Variants in SMG6 observed in about 807,000 individuals in gnomAD.
SMG6 encodes the protein telomerase-binding protein EST1A.
A neutral mutation model predicts 142.2 loss-of-function variants in SMG6; 66 were observed. The ratio of observed to expected loss-of-function variants is 0.46; its 90% CI spans 0.38 to 0.57. SMG6 has a LOEUF of 0.57. Among genes scored for constraint, SMG6 ranks in the 20% least tolerant of loss-of-function variants. The pLI is 0.00. For synonymous variants in SMG6, 779 were observed against 702.4 expected (o/e 1.11, Z -1.72); for missense variants, 1,793 against 1,832.0 (o/e 0.98, Z 0.39).
At chr17:2,244,885 C>A (rs768101251) in intron 8 of SMG6, 166 bp from the exon 9 acceptor site, 53 of 609,150 alleles carry the variant, frequency 8.7e-5, no homozygotes, top group Non-Finnish European at 1.4e-4. Flanking sequence ...AGGGCACATG[C>A]CCAACAGCTG....
At chr17:2,089,850 C>T (rs1597368521) in intron 13 of SMG6, 1 of 152,156 alleles carries the variant, frequency 6.6e-6, no homozygotes, top group South Asian at 2.1e-4. Flanking sequence ...GGTTACTGTT[C>T]TGGGGTATTT....
intron 8 of SMG6, among the ~76,000 whole-genome samples, chr17:2,254,746 A>T (rs1157270437): frequency 1.3e-5 from 2 of 152,162 alleles, no homozygotes; most frequent in African/African-American, 2.4e-5. Context: ...TACTGGGCAC[A>T]TTTTATGTAC....
chr17:2,066,975 G>A lies in SMG6; in HGVS notation c.3836-1296C>T, dbSNP rs8068234. On this transcript the variant is annotated intron_variant, in intron 16 of 18. Transcript: ENST00000263073. Reference sequence around the variant, plus strand: ...CCAGAAACAAGAAGGGAAAGCTGGCGGCTTAACCCTTTGCTGCTCTGGGCA... The same window carrying A: ...CCAGAAACAAGAAGGGAAAGCTGGCAGCTTAACCCTTTGCTGCTCTGGGCA... Among the ~76,000 whole-genome samples the A allele has an allele frequency of 9.1e-3, 1,387 of 152,276 alleles. 16 individuals are homozygous for A. Among genetic ancestry groups the A allele is most frequent in the Non-Finnish European group, 0.015 (991 of 68,012 alleles).
chr17:2,187,803 G>T (rs189911169), intron 11 of SMG6, among the ~76,000 whole-genome samples: 3 of 151,822 alleles, frequency 2.0e-5, no homozygotes, highest in African/African-American at 7.2e-5. Context: ...GCGGCATGGG[G>T]TGACAGTGGG....
At chr17:2,236,843 T>C in intron 9 of SMG6, 1 of 1,288,724 alleles carries the variant, frequency 7.8e-7, no homozygotes, top group Non-Finnish European at 9.8e-7. Flanking sequence ...TAAAGGAGTT[T>C]TCAGGGTCCA....
At chr17:2,099,100 T>C (rs984961456) in intron 13 of SMG6, among the ~76,000 whole-genome samples, 1 of 152,208 alleles carries the variant, frequency 6.6e-6, no homozygotes, top group Non-Finnish European at 1.5e-5. Context: ...ACATGCACTA[T>C]GGATACCTGA....
At chr17:2,245,645 A>G (rs181068724) in intron 8 of SMG6, among the ~76,000 whole-genome samples, 5 of 152,230 alleles carry the variant, frequency 3.3e-5, no homozygotes, top group Admixed American at 3.3e-4. Flanking sequence ...TTGGCCTCCC[A>G]AAGTGCTGGG....
chr17:2,236,739 A>G (rs1244315169), intron 9 of SMG6, 102 bp from the exon 10 acceptor site: 2 of 1,055,350 alleles, frequency 1.9e-6, no homozygotes, highest in African/African-American at 3.1e-5. Flanking sequence ...ACACACACAC[A>G]CACACACACA....
At position 2,085,579 on chromosome 17, in the gene SMG6, G is replaced by C; in HGVS notation, c.3534+146C>G. 1 of 805,380 alleles carries C rather than the reference G, an allele frequency of 1.2e-6. No individual in the cohort carries two copies. Among genetic ancestry groups the C allele is most frequent in the Non-Finnish European group, 2.0e-6 (1 of 503,798 alleles). 49.9% of individuals were successfully genotyped at this position (805,380 alleles called of 1,614,324 possible). On this transcript the variant is annotated intron_variant, in intron 14 of 18. Coordinates refer to ENST00000263073, the MANE Select transcript of SMG6 (RefSeq NM_017575.5). The surrounding 1 kb of genome is among the most constrained non-coding windows in gnomAD (Gnocchi z 4.1). ...GGACTGGCAGGAAGGGGCACCATCA[G>C]AGCACACTCTCGAGAAGCTGGCTGG...
chr17:2,146,044 CAAAG>C (rs1242152211), intron 13 of SMG6, among the ~76,000 whole-genome samples: 3 of 151,634 alleles, frequency 2.0e-5, no homozygotes, highest in African/African-American at 7.3e-5. Context: ...TTTGTTGAAA[CAAAG>C]AAACAACAGG....
chr17:2,168,751 G>A (rs2151642421), intron 13 of SMG6, among the ~76,000 whole-genome samples: 1 of 151,800 alleles, frequency 6.6e-6, no homozygotes, highest in East Asian at 2.0e-4. Flanking sequence ...GTTTTGTGTT[G>A]TTTTGTTTTG....
intron 13 of SMG6, among the ~76,000 whole-genome samples, chr17:2,166,073 G>C (rs1005686769): frequency 6.6e-6 from 1 of 152,102 alleles, no homozygotes; most frequent in South Asian, 2.1e-4. Context: ...TTAACTGGGC[G>C]TGGTGGCAGG....
rs71150850 is a variant in SMG6, at chr17:2,121,587, C to CTGTGTGTGTGTGTGTG, written c.3358-35702_3358-35687dup. On this transcript the variant is annotated intron_variant, in intron 13 of 18. Transcript: ENST00000263073. The stretch of plus-strand genomic sequence containing the variant: ...TATATGTATATATGTACATGTCTGT[C>CTGTGTGTGTGTGTGTG]TGTGTGTGTGTGTGTGTGTGTGTGT... Among the ~76,000 whole-genome samples the CTGTGTGTGTGTGTGTG allele has an allele frequency of 7.9e-4, 111 of 139,836 alleles. 1 individual carries two copies. The highest frequency in any genetic ancestry group is 2.6e-3 in the African/African-American group (97 of 37,742). 91.7% of individuals were successfully genotyped at this position (139,836 alleles called of 152,430 possible). A position where few individuals can be genotyped will look rare whatever the true frequency, so the allele number is the denominator to read the frequency against.
intron 6 of SMG6, among the ~76,000 whole-genome samples, chr17:2,291,496 A>T (rs2075036183): frequency 6.6e-6 from 1 of 152,194 alleles, no homozygotes; most frequent in Non-Finnish European, 1.5e-5. Context: ...GGGAAAAAAA[A>T]TCCCATAAAC....
At chr17:2,170,943 A>G (rs893055268) in intron 13 of SMG6, among the ~76,000 whole-genome samples, 2 of 152,212 alleles carry the variant, frequency 1.3e-5, no homozygotes, top group Non-Finnish European at 2.9e-5. Context: ...ATTCCATATA[A>G]GAATATATTA....
At chr17:2,073,386 TTTTTGTTTTG>T (rs953034192) in intron 15 of SMG6, among the ~76,000 whole-genome samples, 2 of 151,798 alleles carry the variant, frequency 1.3e-5, no homozygotes, top group African/African-American at 2.4e-5. Context: ...GCCCAGCGTT[TTTTTGTTTTG>T]TTTTGTTTTG....
chr17:2,209,137 C>T (rs12601834), intron 10 of SMG6, among the ~76,000 whole-genome samples: 57,117 of 151,986 alleles, frequency 0.38, 11,043 homozygotes, highest in Middle Eastern at 0.44. Context: ...GCATTCCAAC[C>T]TGGATGACAG....
At chr17:2,156,083 G>A (rs2070992543) in intron 13 of SMG6, among the ~76,000 whole-genome samples, 1 of 149,356 alleles carries the variant, frequency 6.7e-6, no homozygotes, top group South Asian at 2.1e-4. Context: ...TCAATTTCAG[G>A]GGCACTCAGA....
intron 10 of SMG6, among the ~76,000 whole-genome samples, chr17:2,209,099 G>C (rs541996845): frequency 2.7e-4 from 40 of 149,638 alleles, no homozygotes; most frequent in Admixed American, 2.1e-3. Flanking sequence ...AGGAGGAGGA[G>C]CTTGCAGTGA....
Sources: gnomAD v4.1 joint callset for allele counts (sites outside exome capture counted in the v4.1 genomes callset) on GRCh38, gnomAD v4.1.1 for gene constraint, Gnocchi (gnomAD v3.1) non-coding constraint, MANE v1.5 for transcripts, NCBI Gene and HGNC (gene_info 2026-07-23, HGNC 2026-07-21) for gene names.